The following DLC1 variants were observed in gnomAD, a reference collection of about 807,000 sequenced individuals.
The protein encoded by DLC1 is rho GTPase-activating protein 7.
A neutral mutation model predicts 140.3 loss-of-function variants in DLC1; 54 were observed. The ratio of observed to expected loss-of-function variants is 0.38; its 90% CI spans 0.31 to 0.48. DLC1 has a LOEUF of 0.48. Among genes scored for constraint, DLC1 ranks in the 20% least tolerant of loss-of-function variants. The pLI is 0.96. For missense variants in DLC1, 2,536 were observed against 1,907.0 expected, an observed-to-expected ratio of 1.33 and a Z score of -6.14; for synonymous variants, 986 against 728.1, an observed-to-expected ratio of 1.35 and a Z score of -5.70.
intron 5 of DLC1, among the ~76,000 whole-genome samples, chr8:13,236,118 T>C (rs370608423): frequency 6.6e-6 from 1 of 152,052 alleles, no homozygotes; most frequent in Non-Finnish European, 1.5e-5. Flanking sequence ...AAACAATCAT[T>C]AAGGATTAAA....
At chr8:13,514,916 G>A (rs1343430778), upstream of DLC1, 6 of 331,184 alleles carry the variant, frequency 1.8e-5, no homozygotes, top group Non-Finnish European at 2.7e-5. Flanking sequence ...TCCTGCCTCT[G>A]AGGAGTGTGC....
intron 5 of DLC1, among the ~76,000 whole-genome samples, chr8:13,130,817 C>G (rs903404463): frequency 2.2e-4 from 33 of 152,208 alleles, no homozygotes; most frequent in African/African-American, 7.0e-4. Context: ...GTGTCTGGTG[C>G]TACTCTGTGT....
At chr8:13,165,634 C>T (rs7821774) in intron 5 of DLC1, among the ~76,000 whole-genome samples, 166 of 152,344 alleles carry the variant, frequency 1.1e-3, no homozygotes, top group African/African-American at 3.9e-3. Context: ...AAATCTTAAA[C>T]AGCTGCTCCT....
intron 10 of DLC1, chr8:13,095,572 G>A: frequency 3.7e-6 from 1 of 267,526 alleles, no homozygotes; most frequent in Non-Finnish European, 7.3e-6. Context: ...TCAGTTAGGA[G>A]CGTCCTTCCA....
intron 10 of DLC1, among the ~76,000 whole-genome samples, chr8:13,097,424 C>A (rs1307498894): frequency 6.6e-6 from 1 of 152,002 alleles, no homozygotes; most frequent in Non-Finnish European, 1.5e-5. Context: ...CCACCACACT[C>A]AGCTAATTTT....
At chr8:13,565,589 G>C (rs888906612) in intron 1 of DLC1, among the ~76,000 whole-genome samples, 1 of 152,144 alleles carries the variant, frequency 6.6e-6, no homozygotes, top group Non-Finnish European at 1.5e-5. Flanking sequence ...ATATACTTGA[G>C]AGATGCTTTT....
intron 5 of DLC1, among the ~76,000 whole-genome samples, chr8:13,223,408 C>T (rs1047023037): frequency 6.6e-6 from 1 of 152,136 alleles, no homozygotes; most frequent in Non-Finnish European, 1.5e-5. Context: ...AATCTGTTTG[C>T]CTCTGTGAAG....
At chr8:13,356,388 C>A (rs148973501) in intron 4 of DLC1, among the ~76,000 whole-genome samples, 22 of 152,078 alleles carry the variant, frequency 1.4e-4, no homozygotes, top group Non-Finnish European at 2.9e-5. Context: ...TATTCAAAGC[C>A]GTTTACAGTT....
At chr8:13,122,427 T>C (rs1308195423) in intron 5 of DLC1, among the ~76,000 whole-genome samples, 1 of 152,182 alleles carries the variant, frequency 6.6e-6, no homozygotes. Flanking sequence ...TTAATTCATT[T>C]GTATATCCCG....
At chr8:13,211,619 G>A (rs1460555978) in intron 5 of DLC1, among the ~76,000 whole-genome samples, 2 of 152,114 alleles carry the variant, frequency 1.3e-5, no homozygotes, top group African/African-American at 4.8e-5. Flanking sequence ...AAAACTCCTT[G>A]CAAGCCACTA....
At chr8:13,111,843 A>G (rs1001420819) in intron 6 of DLC1, among the ~76,000 whole-genome samples, 2 of 152,070 alleles carry the variant, frequency 1.3e-5, no homozygotes, top group African/African-American at 4.8e-5. Flanking sequence ...GAATCACCAC[A>G]AGCTAAAAAA....
intron 5 of DLC1, among the ~76,000 whole-genome samples, chr8:13,121,276 A>G (rs993518207): frequency 3.0e-4 from 45 of 152,116 alleles, no homozygotes; most frequent in Non-Finnish European, 1.8e-4. Flanking sequence ...CCAAACCAAG[A>G]TGCATTCTCC....
intron 1 of DLC1, among the ~76,000 whole-genome samples, chr8:13,535,669 T>TTAAA (rs1554540006): frequency 5.2e-5 from 6 of 114,702 alleles, no homozygotes; most frequent in Admixed American, 9.4e-5. Flanking sequence ...CATTGCTCAT[T>TTAAA]AAAAAAAAAA....
intron 2 of DLC1, among the ~76,000 whole-genome samples, chr8:13,431,066 G>C (rs1262369156): frequency 6.6e-6 from 1 of 152,180 alleles, no homozygotes; most frequent in Non-Finnish European, 1.5e-5. Flanking sequence ...GCTATGGCAT[G>C]AGTTTGAGCT....
intron 1 of DLC1, among the ~76,000 whole-genome samples, chr8:13,572,487 A>C (rs150272124): frequency 6.6e-6 from 1 of 152,106 alleles, no homozygotes; most frequent in Admixed American, 6.5e-5. Flanking sequence ...TTTAATTTTC[A>C]TAAAGTTCAG....
At chr8:13,275,599 A>G (rs192469053) in intron 5 of DLC1, among the ~76,000 whole-genome samples, 1,480 of 130,208 alleles carry the variant, frequency 0.011, 13 homozygotes, top group Non-Finnish European at 0.018. Flanking sequence ...AGAAGTCCCT[A>G]TCTCCTCACT....
chr8:13,122,293 T>C (rs1031480978), intron 5 of DLC1, among the ~76,000 whole-genome samples: 9 of 152,184 alleles, frequency 5.9e-5, no homozygotes, highest in Non-Finnish European at 1.3e-4. Flanking sequence ...GGCCTCCAAA[T>C]GTAAGCTTGC....
chr8:13,116,481 A>T (rs1211744279), intron 5 of DLC1, among the ~76,000 whole-genome samples: 1 of 151,822 alleles, frequency 6.6e-6, no homozygotes, highest in African/African-American at 2.4e-5. Flanking sequence ...TCTTCCTCCC[A>T]CCTTCCTCAG....
intron 5 of DLC1, among the ~76,000 whole-genome samples, chr8:13,166,710 A>G (rs1825129964): frequency 6.6e-6 from 1 of 151,890 alleles, no homozygotes; most frequent in South Asian, 2.1e-4. Flanking sequence ...AAGCCAACTT[A>G]TTTAAACTGC....
Sources: allele counts gnomAD v4.1 joint callset (sites outside exome capture counted in the v4.1 genomes callset), GRCh38; gene constraint gnomAD v4.1.1; transcripts MANE v1.5; gene names NCBI Gene and HGNC (gene_info 2026-07-23, HGNC 2026-07-21).